CDK5RAP1: variants seen among roughly 807,000 people sequenced by gnomAD.
CDK5RAP1 encodes the protein mitochondrial tRNA methylthiotransferase CDK5RAP1.
A neutral mutation model predicts 64.5 loss-of-function variants in CDK5RAP1; 62 were observed. That is an observed-to-expected ratio of 0.96 (90% confidence interval 0.78 to 1.19). The LOEUF (loss-of-function observed/expected upper bound fraction) is 1.19, where lower values mean the gene tolerates loss of function less well. Ranked by LOEUF, CDK5RAP1 falls within the 50% of genes most tolerant of loss-of-function variation. The pLI is 0.00. For synonymous variants in CDK5RAP1, 250 were observed against 261.9 expected (o/e 0.95, Z 0.44); for missense variants, 657 against 735.0 (o/e 0.89, Z 1.23).
intron 10 of CDK5RAP1, among the ~76,000 whole-genome samples, chr20:33,371,092 G>A (rs531988122): frequency 1.7e-4 from 26 of 152,258 alleles, no homozygotes; most frequent in Non-Finnish European, 2.6e-4. Context: ...TCAGGAGTTC[G>A]AGACCAGCCT....
chr20:33,384,820 T>A (rs1465453155), intron 7 of CDK5RAP1, among the ~76,000 whole-genome samples: 1 of 152,148 alleles, frequency 6.6e-6, no homozygotes, highest in Non-Finnish European at 1.5e-5. Context: ...GAGAATTGCT[T>A]GAGTCCAGGC....
chr20:33,388,064 G>A (rs1418966359), intron 5 of CDK5RAP1, among the ~76,000 whole-genome samples: 5 of 145,878 alleles, frequency 3.4e-5, no homozygotes, highest in Admixed American at 2.8e-4. Context: ...GTGAAACTCC[G>A]TCTCAAAAAA....
chr20:33,364,875 CTT>C (rs79643943), intron 12 of CDK5RAP1, among the ~76,000 whole-genome samples: 27 of 139,824 alleles, frequency 1.9e-4, no homozygotes, highest in Non-Finnish European at 2.0e-4. Context: ...TGACCAGCCT[CTT>C]TTTTTTTTTT....
At chr20:33,372,212 G>A (rs1372073472) in intron 10 of CDK5RAP1, among the ~76,000 whole-genome samples, 1 of 146,662 alleles carries the variant, frequency 6.8e-6, no homozygotes, top group Non-Finnish European at 1.5e-5. Context: ...CAAAAAGAAA[G>A]TCAAATGTGG....
rs1987331768 is a variant in CDK5RAP1, at chr20:33,385,656, A to G, written c.870T>C (p.Ser290=). 6.2e-7 allele frequency: 1 copy of G among 1,614,034 alleles called. No homozygotes were observed. Among genetic ancestry groups the G allele is most frequent in the African/African-American group, 1.3e-5 (1 of 74,940 alleles). ...ASILEEVKKL[S]EQGLKEVTLL... Reference sequence around the variant, plus strand: ...AGCCTGGAGAACTCTTCACCTGCTCAGAAAGCTTCTTCACTTCCTCTAGAA... The same window carrying G: ...AGCCTGGAGAACTCTTCACCTGCTCGGAAAGCTTCTTCACTTCCTCTAGAA... Residue 290 remains serine (S), a synonymous_variant, in exon 7 of 14, where the codon TCT becomes TCC. Coordinates refer to ENST00000346416, the MANE Select transcript of CDK5RAP1 (RefSeq NM_016408.4).
chr20:33,387,519 T>C lies in CDK5RAP1; in HGVS notation c.559A>G (p.Arg187Gly). 6.2e-7 allele frequency: 1 copy of C among 1,613,852 alleles called. No individual in the cohort carries two copies. ...CTGTTGAGAATCTCCTCCTTCAACC[T>C]CTCAGCCATGCAGCCTGGAAGGGAA... ...RIGILGCMAERLKEEILNREK... is the reference protein window; with the variant it reads ...RIGILGCMAEGLKEEILNREK... The change falls in exon 6 of 14, where the codon AGG becomes GGG. Residue 187 changes from arginine (R) to glycine (G), a missense_variant. Arg to Gly is a moderately radical substitution (Grantham distance 125, BLOSUM62 -2). Transcript: ENST00000346416.
At chr20:33,375,348 G>A (rs1178309489) in intron 8 of CDK5RAP1, among the ~76,000 whole-genome samples, 1 of 150,588 alleles carries the variant, frequency 6.6e-6, no homozygotes, top group African/African-American at 2.4e-5. Context: ...GTTGCAGTGA[G>A]GCCAGATCAC....
chr20:33,359,026 G>T lies in CDK5RAP1; in HGVS notation c.*17C>A. On this transcript the variant is annotated 3_prime_UTR_variant, in exon 14 of 14. Transcript: ENST00000346416. ...GGGGAGGATTGCCCAAGTCAGCTCTGAGGCCATCCTCTCAGGTCAGCAATA... is the reference window on the plus strand; with the variant it reads ...GGGGAGGATTGCCCAAGTCAGCTCTTAGGCCATCCTCTCAGGTCAGCAATA... The T allele has an allele frequency of 6.3e-7, 1 of 1,588,104 alleles. No homozygotes were observed. The highest frequency in any genetic ancestry group is 8.6e-7 in the Non-Finnish European group (1 of 1,156,588).
intron 12 of CDK5RAP1, 148 bp from the exon 13 acceptor site, chr20:33,360,639 G>T: frequency 2.9e-6 from 2 of 684,312 alleles, no homozygotes; most frequent in Non-Finnish European, 2.4e-6. Flanking sequence ...CTCAGTGTTT[G>T]CTGCTGCTTC....
At chr20:33,377,524 G>A (rs531284302) in intron 8 of CDK5RAP1, among the ~76,000 whole-genome samples, 1 of 152,142 alleles carries the variant, frequency 6.6e-6, no homozygotes, top group Non-Finnish European at 1.5e-5. Context: ...ACTGAAGAGG[G>A]GCCTTGCTCT....
At chr20:33,384,141 G>C (rs975154809) in intron 7 of CDK5RAP1, among the ~76,000 whole-genome samples, 5 of 151,956 alleles carry the variant, frequency 3.3e-5, no homozygotes, top group African/African-American at 9.7e-5. Flanking sequence ...TATACTCTTT[G>C]CAACTGTAGT....
intron 13 of CDK5RAP1, 116 bp from the exon 14 acceptor site, chr20:33,359,239 G>T (rs1220637267): frequency 1.4e-6 from 1 of 727,930 alleles, no homozygotes; most frequent in Non-Finnish European, 2.4e-6. Context: ...CGACCGGCTG[G>T]CAGAGACCAC....
chr20:33,359,233 C>T lies in CDK5RAP1; in HGVS notation c.1684-110G>A, dbSNP rs1242025773. On this transcript the variant is annotated intron_variant, in intron 13 of 13. Transcript: ENST00000346416. ...CCAAAAGGAATCTGATGGAGGCGACCGGCTGGCAGAGACCACATGGCTCCT... is the reference window on the plus strand; with the variant it reads ...CCAAAAGGAATCTGATGGAGGCGACTGGCTGGCAGAGACCACATGGCTCCT... 3.2e-5 allele frequency: 25 copies of T among 774,450 alleles called. No individual in the cohort carries two copies. The Admixed American group carries it at 5.0e-4, about 16-fold the overall frequency. 48.0% of individuals were successfully genotyped at this position (774,450 alleles called of 1,614,324 possible). A position where few individuals can be genotyped will look rare whatever the true frequency, so the allele number is the denominator to read the frequency against.
At chr20:33,399,031 G>A (rs1015081432) in intron 1 of CDK5RAP1, among the ~76,000 whole-genome samples, 24 of 152,140 alleles carry the variant, frequency 1.6e-4, no homozygotes, top group African/African-American at 5.8e-4. Context: ...AATCTGTGGG[G>A]AAAGAGGGTG....
chr20:33,399,527 T>G (rs912052146), intron 1 of CDK5RAP1, among the ~76,000 whole-genome samples: 1 of 152,244 alleles, frequency 6.6e-6, no homozygotes, highest in African/African-American at 2.4e-5. Context: ...GGCAGGTTCC[T>G]GCAAGCAGGG....
rs771386890 is a variant in CDK5RAP1, at chr20:33,370,636, T to C, written c.1262-7A>G. On this transcript the variant is annotated splice_region_variant and splice_polypyrimidine_tract_variant and intron_variant, in intron 10 of 13. Coordinates refer to ENST00000346416, the MANE Select transcript of CDK5RAP1 (RefSeq NM_016408.4). ...TCGCTGCTGAGGCTCACACCTGTGA[T>C]ACACAGCAAAGGATGACAGGTGACT... 8 of 1,614,112 alleles carry C rather than the reference T, an allele frequency of 5.0e-6. No individual in the cohort carries two copies. The highest frequency in any genetic ancestry group is 1.1e-5 in the South Asian group (1 of 91,076).
chr20:33,363,124 G>A lies in CDK5RAP1; in HGVS notation c.1543-2633C>T, dbSNP rs997326738. Among the ~76,000 whole-genome samples, 3 of 152,132 alleles carry A rather than the reference G, an allele frequency of 2.0e-5. No individual in the cohort carries two copies. The East Asian group carries it at 5.8e-4, about 29-fold the overall frequency. On this transcript the variant is annotated intron_variant, in intron 12 of 13. Coordinates refer to ENST00000346416, the MANE Select transcript of CDK5RAP1 (RefSeq NM_016408.4). Reference sequence around the variant, plus strand: ...ACAACATCATCTCTCTGGTATTCCTGCCAAAGAATGCATAACCTGAATCTT... The same window carrying A: ...ACAACATCATCTCTCTGGTATTCCTACCAAAGAATGCATAACCTGAATCTT...
chr20:33,368,320 G>A (rs573081680), intron 11 of CDK5RAP1, among the ~76,000 whole-genome samples: 3 of 152,042 alleles, frequency 2.0e-5, no homozygotes, highest in South Asian at 2.1e-4. Flanking sequence ...TTGAGACAGG[G>A]TCTCATTCTG....
intron 4 of CDK5RAP1, among the ~76,000 whole-genome samples, chr20:33,393,217 T>A (rs1988524494): frequency 6.6e-6 from 1 of 151,990 alleles, no homozygotes; most frequent in Non-Finnish European, 1.5e-5. Context: ...ATACAGGGCT[T>A]TACTTTGTGC....
Sources: allele counts gnomAD v4.1 joint callset (sites outside exome capture counted in the v4.1 genomes callset), GRCh38; gene constraint gnomAD v4.1.1; transcripts MANE v1.5; gene names NCBI Gene and HGNC (gene_info 2026-07-23, HGNC 2026-07-21).